Variants in SLC39A10 observed in about 807,000 individuals in gnomAD.
SLC39A10 encodes solute carrier family 39 member 10, also known as zinc transporter ZIP10.
In SLC39A10, 13 loss-of-function variants were observed where a neutral mutation model predicts 65.1. The observed-to-expected ratio is 0.20, with a 90% CI of 0.13 to 0.32. The LOEUF is 0.32. Among genes scored for constraint, SLC39A10 ranks in the 10% least tolerant of loss-of-function variants. SLC39A10 has a pLI of 1.00. For synonymous variants in SLC39A10, 321 were observed against 342.2 expected (o/e 0.94, Z 0.68); for missense variants, 831 against 1,018.4 (o/e 0.82, Z 2.50).
intron 9 of SLC39A10, among the ~76,000 whole-genome samples, chr2:195,730,947 TAACC>T (rs1484166468): frequency 2.0e-5 from 3 of 152,218 alleles, no homozygotes; most frequent in Non-Finnish European, 4.4e-5. Context: ...CTCTTTCGCC[TAACC>T]ACCTGTACCC....
At chr2:195,667,675 T>C (rs919623797) in intron 1 of SLC39A10, among the ~76,000 whole-genome samples, 2 of 152,202 alleles carry the variant, frequency 1.3e-5, no homozygotes, top group African/African-American at 4.8e-5. Flanking sequence ...TTCGTATACA[T>C]TGGTTTATTT....
chr2:195,628,180 G>A (rs750828039), intron 2 of SLC39A10, among the ~76,000 whole-genome samples: 1 of 152,196 alleles, frequency 6.6e-6, no homozygotes, highest in Non-Finnish European at 1.5e-5. Context: ...GGGAGCTTAT[G>A]AGATAACACT....
chr2:195,665,899 A>G (rs551808360), intron 1 of SLC39A10, among the ~76,000 whole-genome samples: 1 of 152,278 alleles, frequency 6.6e-6, no homozygotes, highest in African/African-American at 2.4e-5. Context: ...GTTTCTCCGT[A>G]CAATTTTCAT....
In SLC39A10 at chr2:195,677,803, G is replaced by A. The variant is rs1360508641; in HGVS notation, c.-11-2229G>A. On this transcript the variant is annotated intron_variant, in intron 1 of 9. Coordinates refer to ENST00000359634, the MANE Select transcript of SLC39A10 (RefSeq NM_020342.3). ...CTGTCTCTGTTGCCCATGCTGGAGT[G>A]CAGTGGCACGATCAGGGCTCATTGC... 5.5e-5 allele frequency among the ~76,000 whole-genome samples: 8 copies of A among 145,480 alleles called. No homozygotes were observed. The East Asian group carries it at 1.6e-3, about 29-fold the overall frequency.
intron 6 of SLC39A10, among the ~76,000 whole-genome samples, chr2:195,714,409 T>C (rs559241666): frequency 6.6e-6 from 1 of 152,348 alleles, no homozygotes; most frequent in East Asian, 1.9e-4. Flanking sequence ...AGGAGCCATA[T>C]GATTAAATAT....
chr2:195,683,559 GTTT>G, intron 2 of SLC39A10, 137 bp from the exon 3 acceptor site: 1 of 637,880 alleles, frequency 1.6e-6, no homozygotes, highest in Non-Finnish European at 2.6e-6. Flanking sequence ...TTATTAAAAA[GTTT>G]TATTTGTAAT....
At chr2:195,672,049 C>A (rs1038676484) in intron 1 of SLC39A10, among the ~76,000 whole-genome samples, 5 of 152,016 alleles carry the variant, frequency 3.3e-5, no homozygotes, top group African/African-American at 1.2e-4. Flanking sequence ...ATTTCTTAAA[C>A]CACTGCCTTT....
At position 195,659,362 on chromosome 2, in the gene SLC39A10, CCTT is replaced by C. The variant is rs556387196; in HGVS notation, c.-12+2082_-12+2084del. ...TGCTTAAAAGCTAACACGGTCCTTC[CCTT>C]TTTTTGAGCACCTGATTTGAAGTAC... On this transcript the variant is annotated intron_variant, in intron 1 of 9. Coordinates refer to ENST00000359634, the MANE Select transcript of SLC39A10 (RefSeq NM_020342.3). 1.9e-3 allele frequency among the ~76,000 whole-genome samples: 284 copies of C among 152,268 alleles called. 1 individual carries two copies. The highest frequency in any genetic ancestry group is 3.6e-3 in the Non-Finnish European group (246 of 68,020).
At chr2:195,722,042 A>C (rs773782711) in intron 8 of SLC39A10, among the ~76,000 whole-genome samples, 27 of 152,230 alleles carry the variant, frequency 1.8e-4, no homozygotes, top group Non-Finnish European at 3.2e-4. Flanking sequence ...TACATACATT[A>C]ATAGCTAGGG....
chr2:195,719,615 T>A (rs912425131), intron 8 of SLC39A10, among the ~76,000 whole-genome samples: 4 of 151,580 alleles, frequency 2.6e-5, no homozygotes, highest in African/African-American at 4.8e-5. Flanking sequence ...GCATTAACTT[T>A]CTTTTTTTTT....
intron 6 of SLC39A10, among the ~76,000 whole-genome samples, chr2:195,715,738 G>A (rs931851210): frequency 3.3e-5 from 5 of 151,980 alleles, no homozygotes; most frequent in Non-Finnish European, 7.4e-5. Flanking sequence ...CCACAGCAAG[G>A]GAAATAAATT....
intron 2 of SLC39A10, among the ~76,000 whole-genome samples, chr2:195,649,079 A>G (rs1308870163): frequency 2.6e-5 from 4 of 152,244 alleles, no homozygotes; most frequent in African/African-American, 7.2e-5. Context: ...GGGCACTGCC[A>G]GAAGCATTTC....
chr2:195,627,112 A>G (rs868411251), intron 2 of SLC39A10, among the ~76,000 whole-genome samples: 3 of 152,248 alleles, frequency 2.0e-5, no homozygotes, highest in Non-Finnish European at 4.4e-5. Context: ...TCTGAATTAA[A>G]TGAAGAATTC....
rs757611967 is a variant in SLC39A10 at position 195,708,854 on chromosome 2, TTTTA to T, written c.1575+19_1575+22del. The T allele has an allele frequency of 6.4e-7, 1 of 1,561,294 alleles. No homozygotes were observed. Among genetic ancestry groups the T allele is most frequent in the South Asian group, 1.2e-5 (1 of 82,158 alleles). On this transcript the variant is annotated intron_variant, in intron 5 of 9. Transcript: ENST00000359634. ...CTACAAACAACAAAGAGTAAGTATTTTTTATTTATTTAATTTTATACCATAAAAC... is the reference window on the plus strand; with the variant it reads ...CTACAAACAACAAAGAGTAAGTATTTTTTATTTAATTTTATACCATAAAAC...
Position 195,737,466 on chromosome 2 carries a change from CCAT to C in SLC39A10, c.*2426_*2428del, listed in dbSNP as rs1692686312. 1 of 160,188 alleles carries C rather than the reference CCAT, an allele frequency of 6.2e-6. No individual in the cohort carries two copies. The highest frequency in any genetic ancestry group is 2.4e-5 in the African/African-American group (1 of 41,202). The allele number at this position is 160,188 out of a possible 1,614,324, so 9.9% of individuals were successfully genotyped here. ...TAACTAGATGCAGTGTGAATTTTTT[CCAT>C]TAACAAACAAACAAGTCAGTGGCTT... On this transcript the variant is annotated 3_prime_UTR_variant, in exon 10 of 10. Coordinates refer to ENST00000359634, the MANE Select transcript of SLC39A10 (RefSeq NM_020342.3).
At chr2:195,703,292 C>T (rs1266155187) in intron 3 of SLC39A10, among the ~76,000 whole-genome samples, 1 of 152,168 alleles carries the variant, frequency 6.6e-6, no homozygotes, top group Non-Finnish European at 1.5e-5. Flanking sequence ...TTTAAAGGGG[C>T]AGAATAATTG....
rs1574332299 is a variant in SLC39A10, at chr2:195,737,204, A to AGTTT, written c.*2164_*2167dup. On this transcript the variant is annotated 3_prime_UTR_variant, in exon 10 of 10. Transcript: ENST00000359634. Reference sequence around the variant, plus strand: ...AGGGTTCCACATCATTCTAATGTATAGTTTCAAGTCTTAATAGACAATCTG... The same window carrying AGTTT: ...AGGGTTCCACATCATTCTAATGTATAGTTTGTTTCAAGTCTTAATAGACAATCTG... 2 of 152,770 alleles carry AGTTT rather than the reference A, an allele frequency of 1.3e-5. No individual in the cohort carries two copies. Among genetic ancestry groups the AGTTT allele is most frequent in the East Asian group, 1.9e-4 (1 of 5,194 alleles). 9.5% of individuals were successfully genotyped at this position (152,770 alleles called of 1,614,324 possible). A position where few individuals can be genotyped will look rare whatever the true frequency, so the allele number is the denominator to read the frequency against.
rs146500009 is a variant in SLC39A10, at chr2:195,680,986, A to G, written c.944A>G (p.His315Arg). The G allele has an allele frequency of 5.5e-5, 89 of 1,613,636 alleles. No individual in the cohort carries two copies. The highest frequency in any genetic ancestry group is 7.0e-5 in the Non-Finnish European group (83 of 1,179,878). The change falls in exon 2 of 10, where the codon CAT (histidine) becomes CGT (arginine). Residue 315 changes from histidine (H) to arginine (R), a missense_variant. Coordinates refer to ENST00000359634, the MANE Select transcript of SLC39A10 (RefSeq NM_020342.3). ...LRHTRKREAP[H>R]VKNNAIISLR... ...CATACTAGAAAGAGAGAAGCACCAC[A>G]TGTTAAAAATAATGCAATAATTTCT...
intron 2 of SLC39A10, among the ~76,000 whole-genome samples, chr2:195,625,200 G>A: frequency 7.3e-6 from 1 of 137,398 alleles, no homozygotes; most frequent in South Asian, 2.3e-4. Context: ...CTGTGCGACA[G>A]AGGGACACTC....
Sources: gnomAD v4.1 joint callset for allele counts (sites outside exome capture counted in the v4.1 genomes callset) on GRCh38, gnomAD v4.1.1 for gene constraint, MANE v1.5 for transcripts, NCBI Gene and HGNC (gene_info 2026-07-23, HGNC 2026-07-21) for gene names.